PSD3: variants seen among roughly 807,000 people sequenced by gnomAD.
PSD3 encodes pleckstrin and Sec7 domain containing 3, also known as PH and SEC7 domain-containing protein 3.
PSD3 carries 49 observed loss-of-function variants against 105.5 expected under a neutral mutation model. The observed-to-expected ratio is 0.46, with a 90% confidence interval of 0.37 to 0.59. PSD3 has a LOEUF of 0.59. PSD3 is among the 20% of genes least tolerant of loss of function. PSD3 has a pLI of 0.00. For synonymous variants in PSD3, 557 were observed against 457.8 expected (o/e 1.22, Z -2.77); for missense variants, 1,561 against 1,263.8 (o/e 1.24, Z -3.57).
At chr8:18,625,090 C>A (rs1017917222) in intron 11 of PSD3, among the ~76,000 whole-genome samples, 1 of 151,940 alleles carries the variant, frequency 6.6e-6, no homozygotes, top group Non-Finnish European at 1.5e-5. Flanking sequence ...AAGTTACTGT[C>A]CCACATGTTC....
intron 1 of PSD3, among the ~76,000 whole-genome samples, chr8:19,036,461 A>C (rs1827947174): frequency 6.6e-6 from 1 of 152,102 alleles, no homozygotes; most frequent in Non-Finnish European, 1.5e-5. Context: ...TACAATTTAG[A>C]AGCAGAAAAA....
Position 18,675,241 on chromosome 8 carries a change from G to C in PSD3, c.2173-19556C>G, listed in dbSNP as rs184216034. ...TTCGTTCCCTTGTCATGAGCCACTG[G>C]GGCACCAGGATCTAGAGAAGGTCTT... is the stretch of plus-strand genomic sequence containing the variant. On this transcript the variant is annotated intron_variant, in intron 9 of 15. Coordinates refer to ENST00000327040, the MANE Select transcript of PSD3 (RefSeq NM_015310.4). Among the ~76,000 whole-genome samples, 194 of 152,228 alleles carry C rather than the reference G, an allele frequency of 1.3e-3. 1 individual carries two copies. Among genetic ancestry groups the C allele is most frequent in the African/African-American group, 4.4e-3 (183 of 41,536 alleles).
At chr8:18,604,428 C>T (rs1483378188) in intron 11 of PSD3, among the ~76,000 whole-genome samples, 1 of 151,732 alleles carries the variant, frequency 6.6e-6, no homozygotes. Context: ...CTGGCTGTTT[C>T]TAACATCCTA....
At chr8:18,811,851 G>GT (rs1811716301) in intron 4 of PSD3, among the ~76,000 whole-genome samples, 1 of 152,078 alleles carries the variant, frequency 6.6e-6, no homozygotes, top group East Asian at 1.9e-4. Flanking sequence ...TAATATGTAA[G>GT]TTTTTTATGA....
chr8:18,934,842 C>T (rs1202097886), intron 2 of PSD3, among the ~76,000 whole-genome samples: 1 of 152,194 alleles, frequency 6.6e-6, no homozygotes, highest in Non-Finnish European at 1.5e-5. Context: ...TCAAGATATG[C>T]TAATATCCCC....
chr8:18,620,037 T>C (rs1805989466), intron 11 of PSD3, among the ~76,000 whole-genome samples: 1 of 152,154 alleles, frequency 6.6e-6, no homozygotes, highest in Admixed American at 6.5e-5. Context: ...CTGCCACCCA[T>C]GAGGCTGCTT....
intron 1 of PSD3, among the ~76,000 whole-genome samples, chr8:19,058,984 G>A (rs940927451): frequency 1.3e-5 from 2 of 152,230 alleles, no homozygotes; most frequent in African/African-American, 4.8e-5. Context: ...CCAACCTGAA[G>A]AGATATAGCA....
chr8:18,833,260 G>C (rs960114048), intron 4 of PSD3, among the ~76,000 whole-genome samples: 1 of 152,180 alleles, frequency 6.6e-6, no homozygotes, highest in African/African-American at 2.4e-5. Flanking sequence ...GTTGAAGCTT[G>C]TGGGACGGAG....
intron 13 of PSD3, among the ~76,000 whole-genome samples, chr8:18,574,083 C>T (rs973219676): frequency 4.6e-5 from 7 of 152,050 alleles, no homozygotes; most frequent in African/African-American, 1.7e-4. Context: ...TATTTGCAAA[C>T]TCATAAATGA....
At chr8:19,058,567 C>T (rs917906527) in intron 1 of PSD3, among the ~76,000 whole-genome samples, 1 of 151,418 alleles carries the variant, frequency 6.6e-6, no homozygotes, top group Non-Finnish European at 1.5e-5. Context: ...AGACACAAGT[C>T]AATTTTACTG....
intron 10 of PSD3, among the ~76,000 whole-genome samples, chr8:18,637,598 T>C (rs1486175425): frequency 3.3e-5 from 5 of 152,230 alleles, no homozygotes; most frequent in Non-Finnish European, 7.3e-5. Flanking sequence ...CATATTGTAA[T>C]GTGAATCGAT....
chr8:18,945,011 G>A (rs1822773831), intron 1 of PSD3, among the ~76,000 whole-genome samples: 1 of 152,132 alleles, frequency 6.6e-6, no homozygotes, highest in South Asian at 2.1e-4. Context: ...AACACTAGCT[G>A]TGCTTACTGT....
chr8:18,728,799 T>A (rs2129430365), intron 9 of PSD3, among the ~76,000 whole-genome samples: 1 of 17,576 alleles, frequency 5.7e-5, no homozygotes, highest in Non-Finnish European at 1.7e-4. Flanking sequence ...AACCTTTATA[T>A]GTCAATTTTG....
chr8:18,701,470 G>A (rs531696574), intron 9 of PSD3, among the ~76,000 whole-genome samples: 37 of 152,222 alleles, frequency 2.4e-4, no homozygotes, highest in Middle Eastern at 6.8e-3. Flanking sequence ...AACATACTAT[G>A]TATCAAGAAA....
chr8:18,751,537 G>A (rs1805490690), intron 9 of PSD3, among the ~76,000 whole-genome samples: 1 of 151,990 alleles, frequency 6.6e-6, no homozygotes, highest in Non-Finnish European at 1.5e-5. Context: ...TTTTACAAAT[G>A]AGGAAACTCA....
chr8:19,022,457 A>G (rs906859122), intron 1 of PSD3, among the ~76,000 whole-genome samples: 2 of 152,168 alleles, frequency 1.3e-5, no homozygotes, highest in African/African-American at 4.8e-5. Flanking sequence ...TCTCTTCCAC[A>G]AGAGACACTC....
intron 12 of PSD3, among the ~76,000 whole-genome samples, chr8:18,585,360 C>T (rs1232416540): frequency 1.3e-5 from 2 of 152,178 alleles, no homozygotes; most frequent in Non-Finnish European, 2.9e-5. Context: ...CACTGTCACG[C>T]AGGCTAGAGT....
intron 1 of PSD3, among the ~76,000 whole-genome samples, chr8:18,992,615 T>C (rs1825864162): frequency 6.6e-6 from 1 of 152,204 alleles, no homozygotes; most frequent in South Asian, 2.1e-4. Context: ...AGGACTCAAG[T>C]GTGCCCTAAT....
chr8:18,780,850 G>C (rs1218286147), intron 8 of PSD3, among the ~76,000 whole-genome samples: 2 of 152,136 alleles, frequency 1.3e-5, no homozygotes, highest in African/African-American at 4.8e-5. Flanking sequence ...CACCGCGCCT[G>C]GCCCAGAGTT....
Sources: gnomAD v4.1 joint callset for allele counts (sites outside exome capture counted in the v4.1 genomes callset) on GRCh38, gnomAD v4.1.1 for gene constraint, MANE v1.5 for transcripts, NCBI Gene and HGNC (gene_info 2026-07-23, HGNC 2026-07-21) for gene names.